The following SLC24A2 variants were observed in gnomAD, a reference collection of about 807,000 sequenced individuals.
SLC24A2 encodes the protein sodium/potassium/calcium exchanger 2.
In SLC24A2, 36 loss-of-function variants were observed where a neutral mutation model predicts 62.0. The observed-to-expected ratio is 0.58, with a 90% CI of 0.44 to 0.77. SLC24A2 has a LOEUF of 0.77. SLC24A2 is among the 30% of genes least tolerant of loss of function. SLC24A2 has a pLI of 0.00. For missense variants in SLC24A2, 846 were observed against 817.9 expected, an observed-to-expected ratio of 1.03 and a Z score of -0.42; for synonymous variants, 358 against 294.0, an observed-to-expected ratio of 1.22 and a Z score of -2.23.
chr9:20,086,436 T>C, the SLC24A2 span, among the ~76,000 whole-genome samples: 4 of 152,296 alleles, frequency 2.6e-5, no homozygotes, highest in South Asian at 2.1e-4. Context: ...TGTTTGCCTA[T>C]TATGGATTTC....
At chr9:19,931,858 A>G in the SLC24A2 span, among the ~76,000 whole-genome samples, 1 of 152,188 alleles carries the variant, frequency 6.6e-6, no homozygotes, top group Non-Finnish European at 1.5e-5. Context: ...TGAATAAAGA[A>G]ATAAAATATT....
chr9:19,912,178 G>A, the SLC24A2 span, among the ~76,000 whole-genome samples: 3 of 152,032 alleles, frequency 2.0e-5, no homozygotes, highest in South Asian at 6.2e-4. Flanking sequence ...TGAGACACAT[G>A]CTTCCCCTAC....
At chr9:20,019,103 TAGAAAGAAAGAA>T in the SLC24A2 span, among the ~76,000 whole-genome samples, 12,359 of 84,346 alleles carry the variant, frequency 0.15, 801 homozygotes, top group Middle Eastern at 0.22. Context: ...GAAAGAAAGA[TAGAAAGAAAGAA>T]AGAAAGAAAG....
intron 2 of SLC24A2, among the ~76,000 whole-genome samples, chr9:19,720,755 T>A (rs148198906): frequency 7.0e-6 from 1 of 143,744 alleles, no homozygotes; most frequent in Non-Finnish European, 1.5e-5. Context: ...CTGACTCATC[T>A]CAATAACAAA....
the SLC24A2 span, among the ~76,000 whole-genome samples, chr9:20,223,085 C>T: frequency 6.6e-6 from 1 of 151,900 alleles, no homozygotes; most frequent in African/African-American, 2.4e-5. Context: ...AGTGTTCCTA[C>T]TGATTGTGGA....
chr9:19,636,495 G>T (rs558754320), intron 2 of SLC24A2, among the ~76,000 whole-genome samples: 1 of 146,106 alleles, frequency 6.8e-6, no homozygotes, highest in East Asian at 2.0e-4. Context: ...GCAGTGGTGT[G>T]ATCTCGGCTC....
chr9:19,996,190 G>T, the SLC24A2 span, among the ~76,000 whole-genome samples: 4 of 152,166 alleles, frequency 2.6e-5, no homozygotes, highest in Non-Finnish European at 5.9e-5. Context: ...AGATTTCAGA[G>T]AATTTTCTTT....
intron 2 of SLC24A2, among the ~76,000 whole-genome samples, chr9:19,694,968 G>C (rs979263228): frequency 6.6e-6 from 1 of 151,192 alleles, no homozygotes; most frequent in Non-Finnish European, 1.5e-5. Flanking sequence ...GAGCTGGGGA[G>C]AAGCAAATGA....
intron 2 of SLC24A2, among the ~76,000 whole-genome samples, chr9:19,738,193 T>C (rs568881833): frequency 6.6e-6 from 1 of 152,322 alleles, no homozygotes; most frequent in African/African-American, 2.4e-5. Flanking sequence ...TTTACCTTAG[T>C]GCTTCTGTCA....
At chr9:19,763,324 A>G (rs1822404219) in intron 2 of SLC24A2, among the ~76,000 whole-genome samples, 2 of 152,162 alleles carry the variant, frequency 1.3e-5, no homozygotes, top group Non-Finnish European at 2.9e-5. Flanking sequence ...CTCTTGCCTA[A>G]TTGCCCTGGC....
chr9:19,722,949 G>A (rs982988073), intron 2 of SLC24A2, among the ~76,000 whole-genome samples: 1 of 152,100 alleles, frequency 6.6e-6, no homozygotes, highest in Non-Finnish European at 1.5e-5. Flanking sequence ...TGTCCTAATA[G>A]AATCTGGAAG....
At chr9:19,945,282 C>A in the SLC24A2 span, among the ~76,000 whole-genome samples, 1 of 152,010 alleles carries the variant, frequency 6.6e-6, no homozygotes, top group Non-Finnish European at 1.5e-5. Flanking sequence ...AATATACACT[C>A]CCTCCTTAGC....
intron 2 of SLC24A2, among the ~76,000 whole-genome samples, chr9:19,631,214 A>G (rs926125165): frequency 3.9e-5 from 6 of 152,214 alleles, no homozygotes; most frequent in African/African-American, 9.6e-5. Flanking sequence ...CAGATCTTAT[A>G]TATTTTTAAT....
chr9:19,807,553 A>C, the SLC24A2 span, among the ~76,000 whole-genome samples: 2 of 152,218 alleles, frequency 1.3e-5, no homozygotes, highest in Non-Finnish European at 2.9e-5. Flanking sequence ...GCTGCAACCA[A>C]ATCAAAATAT....
At chr9:19,536,911 A>C (rs375227390) in intron 8 of SLC24A2, among the ~76,000 whole-genome samples, 2 of 122,816 alleles carry the variant, frequency 1.6e-5, no homozygotes. Context: ...GTGTGAGATG[A>C]TATCTCATAG....
the SLC24A2 span, among the ~76,000 whole-genome samples, chr9:19,828,683 G>T: frequency 6.6e-6 from 1 of 152,194 alleles, no homozygotes; most frequent in East Asian, 1.9e-4. Context: ...AAATCTGGTG[G>T]CAGTGCACAG....
At chr9:20,303,743 G>A in the SLC24A2 span, among the ~76,000 whole-genome samples, 1 of 152,196 alleles carries the variant, frequency 6.6e-6, no homozygotes, top group East Asian at 1.9e-4. Flanking sequence ...TTTGCCACCA[G>A]AAGGGTTCAT....
chr9:19,731,519 G>A (rs1189660575), intron 2 of SLC24A2, among the ~76,000 whole-genome samples: 5 of 89,058 alleles, frequency 5.6e-5, no homozygotes, highest in South Asian at 5.3e-4. Context: ...CTCTCTCCGT[G>A]TGTGTGTGTG....
chr9:20,112,968 G>A, the SLC24A2 span, among the ~76,000 whole-genome samples: 1 of 152,132 alleles, frequency 6.6e-6, no homozygotes, highest in Non-Finnish European at 1.5e-5. Context: ...AAAAAACAAA[G>A]ACACAAGTGA....
Sources: gnomAD v4.1 joint callset for allele counts (sites outside exome capture counted in the v4.1 genomes callset) on GRCh38, gnomAD v4.1.1 for gene constraint, MANE v1.5 for transcripts, NCBI Gene and HGNC (gene_info 2026-07-23, HGNC 2026-07-21) for gene names.